Variants in NRXN1 observed in about 807,000 individuals in gnomAD.
NRXN1 encodes neurexin-1.
NRXN1 carries 39 observed loss-of-function variants against 150.9 expected under a neutral mutation model. That is an observed-to-expected ratio of 0.26 (90% confidence interval 0.20 to 0.34). NRXN1 has a LOEUF of 0.34. Among genes scored for constraint, NRXN1 ranks in the 10% least tolerant of loss-of-function variants. NRXN1 has a pLI of 1.00. For synonymous variants in NRXN1, 924 were observed against 757.0 expected (o/e 1.22, Z -3.62); for missense variants, 1,815 against 1,949.9 (o/e 0.93, Z 1.30).
At chr2:50,675,665 T>C (rs372799566) in intron 5 of NRXN1, among the ~76,000 whole-genome samples, 2 of 152,270 alleles carry the variant, frequency 1.3e-5, no homozygotes, top group East Asian at 1.9e-4. Flanking sequence ...ATGAATCATC[T>C]TGTCATTACC....
chr2:50,527,188 A>C (rs112503371), intron 12 of NRXN1, among the ~76,000 whole-genome samples: 13 of 152,318 alleles, frequency 8.5e-5, no homozygotes, highest in African/African-American at 3.1e-4. Context: ...GGATTTTCTA[A>C]GATGCAGGAG....
intron 5 of NRXN1, among the ~76,000 whole-genome samples, chr2:50,820,371 T>G (rs980046891): frequency 2.6e-5 from 4 of 152,128 alleles, no homozygotes; most frequent in African/African-American, 9.7e-5. Context: ...CTTGAGTGAT[T>G]TGAACTAATT....
intron 17 of NRXN1, among the ~76,000 whole-genome samples, chr2:50,390,839 A>G (rs986979020): frequency 6.6e-6 from 1 of 152,118 alleles, no homozygotes; most frequent in African/African-American, 2.4e-5. Context: ...CTTCGCAGCC[A>G]CCAGAACTGT....
intron 18 of NRXN1, among the ~76,000 whole-genome samples, chr2:50,166,251 A>C (rs1471667190): frequency 6.6e-6 from 1 of 150,434 alleles, no homozygotes; most frequent in African/African-American, 2.5e-5. Context: ...TTCTGGTCCT[A>C]GGCATTTTGG....
intron 5 of NRXN1, among the ~76,000 whole-genome samples, chr2:50,838,560 T>C (rs373030822): frequency 2.0e-4 from 31 of 151,976 alleles, no homozygotes; most frequent in African/African-American, 7.5e-4. Context: ...TAAAATGAGG[T>C]CATTTGTGTG....
At chr2:50,788,384 G>T (rs963465115) in intron 5 of NRXN1, among the ~76,000 whole-genome samples, 2 of 152,014 alleles carry the variant, frequency 1.3e-5, no homozygotes, top group African/African-American at 4.8e-5. Context: ...ACCGCGCCCG[G>T]CCTCCCCACT....
At chr2:50,437,549 T>G (rs777398215) in intron 17 of NRXN1, among the ~76,000 whole-genome samples, 5 of 152,210 alleles carry the variant, frequency 3.3e-5, no homozygotes, top group Non-Finnish European at 7.4e-5. Context: ...TACATGCTTC[T>G]GTGTTCAGTG....
At chr2:50,681,983 C>A (rs1477319812) in intron 5 of NRXN1, among the ~76,000 whole-genome samples, 1 of 152,128 alleles carries the variant, frequency 6.6e-6, no homozygotes, top group Admixed American at 6.6e-5. Context: ...CAAAATCCAC[C>A]TATCAAGGAT....
intron 19 of NRXN1, 64 bp downstream of exon 19, chr2:50,091,259 C>T: frequency 6.4e-7 from 1 of 1,573,756 alleles, no homozygotes; most frequent in African/African-American, 1.3e-5. Flanking sequence ...GGATGCAAAA[C>T]AGTGCTTTTT....
intron 5 of NRXN1, among the ~76,000 whole-genome samples, chr2:50,839,994 T>A (rs1226601518): frequency 6.6e-6 from 1 of 152,146 alleles, no homozygotes; most frequent in Non-Finnish European, 1.5e-5. Context: ...CCTAGTTGTG[T>A]CTTTTCACTT....
chr2:50,851,185 T>G (rs1229085937), intron 5 of NRXN1, among the ~76,000 whole-genome samples: 4 of 152,144 alleles, frequency 2.6e-5, no homozygotes, highest in African/African-American at 9.7e-5. Context: ...CATTGTTTCC[T>G]GCCTTAAGAG....
At chr2:50,063,365 A>G (rs1248842433) in intron 19 of NRXN1, among the ~76,000 whole-genome samples, 1 of 152,198 alleles carries the variant, frequency 6.6e-6, no homozygotes. Flanking sequence ...ATACACATAT[A>G]TAATTGGCTC....
At chr2:49,940,838 G>A (rs547156593) in intron 22 of NRXN1, among the ~76,000 whole-genome samples, 1 of 152,290 alleles carries the variant, frequency 6.6e-6, no homozygotes, top group South Asian at 2.1e-4. Context: ...GACCGGGGGA[G>A]ATAAGATCAG....
intron 5 of NRXN1, among the ~76,000 whole-genome samples, chr2:50,824,654 C>T (rs1219826803): frequency 1.3e-5 from 2 of 152,060 alleles, no homozygotes; most frequent in Non-Finnish European, 2.9e-5. Context: ...AGGTTAGCTC[C>T]TTGGTAAGAA....
intron 19 of NRXN1, among the ~76,000 whole-genome samples, chr2:50,076,282 A>T (rs986296322): frequency 6.6e-6 from 1 of 152,296 alleles, no homozygotes; most frequent in Admixed American, 6.5e-5. Flanking sequence ...AGAGAAAATA[A>T]ATTTGTTCCC....
chr2:50,192,965 A>G lies in NRXN1; in HGVS notation c.3546+43824T>C, dbSNP rs76765162. On this transcript the variant is annotated intron_variant, in intron 18 of 22. Coordinates refer to ENST00000401669, the MANE Select transcript of NRXN1 (RefSeq NM_001330078.2). The stretch of plus-strand genomic sequence containing the variant: ...GTAAAATACATATTTTTAAAGGGGC[A>G]TTCTGGGCTACTGTTGTGTATATTA... 1.6e-4 allele frequency among the ~76,000 whole-genome samples: 25 copies of G among 152,276 alleles called. No homozygotes were observed. In the East Asian group the frequency reaches 4.6e-3, roughly 28 times the overall value.
At chr2:50,508,785 G>C (rs1242602866) in intron 12 of NRXN1, among the ~76,000 whole-genome samples, 1 of 151,934 alleles carries the variant, frequency 6.6e-6, no homozygotes, top group East Asian at 1.9e-4. Flanking sequence ...ATAACCCTTT[G>C]GTTCATAAAA....
chr2:50,817,656 T>A (rs1244676551), intron 5 of NRXN1, among the ~76,000 whole-genome samples: 2 of 151,980 alleles, frequency 1.3e-5, no homozygotes, highest in Non-Finnish European at 2.9e-5. Flanking sequence ...GTATCATACA[T>A]CATGACGAAG....
chr2:50,958,985 T>C (rs994470659), intron 2 of NRXN1, among the ~76,000 whole-genome samples: 7 of 152,156 alleles, frequency 4.6e-5, no homozygotes, highest in African/African-American at 1.7e-4. Context: ...TGTCGTAGTG[T>C]CTTTGCTAAA....
Sources: allele counts gnomAD v4.1 joint callset (sites outside exome capture counted in the v4.1 genomes callset), GRCh38; gene constraint gnomAD v4.1.1; transcripts MANE v1.5; gene names NCBI Gene and HGNC (gene_info 2026-07-23, HGNC 2026-07-21).